ASAP1: variants seen among roughly 807,000 people sequenced by gnomAD.
ASAP1 encodes the protein ArfGAP with SH3 domain, ankyrin repeat and PH domain 1, also known as arf-GAP with SH3 domain, ANK repeat and PH domain-containing protein 1.
A neutral mutation model predicts 145.2 loss-of-function variants in ASAP1; 43 were observed. The observed-to-expected ratio is 0.30, with a 90% confidence interval of 0.23 to 0.38. The LOEUF is 0.38. ASAP1 is among the 10% of genes least tolerant of loss of function. ASAP1 has a pLI of 1.00. For synonymous variants in ASAP1, 546 were observed against 515.5 expected, an observed-to-expected ratio of 1.06 and a Z score of -0.80; for missense variants, 1,018 against 1,355.3, an observed-to-expected ratio of 0.75 and a Z score of 3.91.
intron 18 of ASAP1, among the ~76,000 whole-genome samples, chr8:130,122,498 T>C (rs1011347596): frequency 1.3e-5 from 2 of 152,212 alleles, no homozygotes; most frequent in South Asian, 2.1e-4. Context: ...TAATAACAGA[T>C]ACTTATACAG....
At chr8:130,356,519 T>C (rs1329115275) in intron 3 of ASAP1, among the ~76,000 whole-genome samples, 1 of 152,038 alleles carries the variant, frequency 6.6e-6, no homozygotes, top group African/African-American at 2.4e-5. Context: ...TATAACAGAC[T>C]GGCAGTTCAC....
chr8:130,133,370 C>A (rs528253275), intron 15 of ASAP1, among the ~76,000 whole-genome samples: 58 of 152,156 alleles, frequency 3.8e-4, no homozygotes, highest in Non-Finnish European at 1.0e-4. Context: ...AAACTCCAAC[C>A]CAGGGGCCGG....
At chr8:130,121,398 T>C (rs2097565577) in intron 18 of ASAP1, among the ~76,000 whole-genome samples, 1 of 152,210 alleles carries the variant, frequency 6.6e-6, no homozygotes, top group Admixed American at 6.5e-5. Context: ...CAGTAGCACC[T>C]GTCCAAGTCA....
At chr8:130,337,790 C>T (rs1194845713) in intron 3 of ASAP1, among the ~76,000 whole-genome samples, 3 of 152,204 alleles carry the variant, frequency 2.0e-5, no homozygotes, top group African/African-American at 7.2e-5. Flanking sequence ...AAAACATTCT[C>T]TTAAGTCAGA....
intron 2 of ASAP1, among the ~76,000 whole-genome samples, chr8:130,380,556 G>A (rs190188359): frequency 2.6e-5 from 4 of 152,282 alleles, no homozygotes; most frequent in African/African-American, 9.6e-5. Context: ...CTGTCCTCAA[G>A]GAGGAGCACA....
chr8:130,429,802 G>T lies in ASAP1; in HGVS notation c.-28+13658C>A, dbSNP rs535353999. On this transcript the variant is annotated intron_variant, in intron 1 of 29. Coordinates refer to ENST00000518721, the MANE Select transcript of ASAP1 (RefSeq NM_018482.4). The stretch of plus-strand genomic sequence containing the variant: ...CACGTTCTGTCCATTAAGATTCTTT[G>T]GGAAAAATGAGTTTTGAAGAATAAC... 1.3e-3 allele frequency among the ~76,000 whole-genome samples: 198 copies of T among 152,244 alleles called. 1 individual carries two copies. Among genetic ancestry groups the T allele is most frequent in the Non-Finnish European group, 2.4e-3 (165 of 68,026 alleles).
At position 130,443,594 on chromosome 8, in the gene ASAP1, A is replaced by C. The variant is rs1489012659; in HGVS notation, c.-162T>G. 1 of 150,924 alleles carries C rather than the reference A, an allele frequency of 6.6e-6. No individual in the cohort carries two copies. Among genetic ancestry groups the C allele is most frequent in the African/African-American group, 2.4e-5 (1 of 41,256 alleles). 9.3% of individuals were successfully genotyped at this position (150,924 alleles called of 1,614,324 possible). A position where few individuals can be genotyped will look rare whatever the true frequency, so the allele number is the denominator to read the frequency against. On this transcript the variant is annotated 5_prime_UTR_variant, in exon 1 of 30. Coordinates refer to ENST00000518721, the MANE Select transcript of ASAP1 (RefSeq NM_018482.4). ...GCGCGGGCCCGGGGCTGCCCAGCGC[A>C]CAGTGCTCGCCCGCGGCAGCGGCCA... is the stretch of plus-strand genomic sequence containing the variant.
chr8:130,270,440 T>C (rs1482648368), intron 3 of ASAP1, among the ~76,000 whole-genome samples: 1 of 152,236 alleles, frequency 6.6e-6, no homozygotes, highest in Non-Finnish European at 1.5e-5. Context: ...ATCAGCTCTG[T>C]ATGTAAAAGT....
intron 3 of ASAP1, among the ~76,000 whole-genome samples, chr8:130,336,425 A>G (rs1434484723): frequency 6.6e-6 from 1 of 152,246 alleles, no homozygotes; most frequent in East Asian, 1.9e-4. Flanking sequence ...TCAGCACATA[A>G]TAAGCTCTCC....
chr8:130,245,578 C>T (rs940095538), intron 3 of ASAP1, among the ~76,000 whole-genome samples: 1 of 152,190 alleles, frequency 6.6e-6, no homozygotes, highest in Non-Finnish European at 1.5e-5. Flanking sequence ...CTATCAACTT[C>T]CCAAGCCAAA....
At chr8:130,121,606 A>T (rs2097566002) in intron 18 of ASAP1, among the ~76,000 whole-genome samples, 1 of 151,788 alleles carries the variant, frequency 6.6e-6, no homozygotes, top group African/African-American at 2.4e-5. Context: ...ACATGGAGAA[A>T]ACTCCTTCTC....
At chr8:130,058,276 C>T (rs1045515648) in intron 28 of ASAP1, among the ~76,000 whole-genome samples, 200 bp from the exon 29 acceptor site, 2 of 152,172 alleles carry the variant, frequency 1.3e-5, no homozygotes, top group Non-Finnish European at 2.9e-5. Flanking sequence ...CCCTTCCTCT[C>T]CCCCCATCAT....
At chr8:130,081,848 C>T (rs941564235) in intron 25 of ASAP1, among the ~76,000 whole-genome samples, 15 of 152,150 alleles carry the variant, frequency 9.9e-5, no homozygotes, top group Non-Finnish European at 2.9e-5. Flanking sequence ...CAGCAACGAC[C>T]GTTTACTGAG....
chr8:130,326,540 T>C (rs1824344408), intron 3 of ASAP1, among the ~76,000 whole-genome samples: 1 of 152,210 alleles, frequency 6.6e-6, no homozygotes, highest in African/African-American at 2.4e-5. Context: ...GAACTCCTGT[T>C]GCAACAACTT....
intron 29 of ASAP1, among the ~76,000 whole-genome samples, chr8:130,057,120 C>G (rs1358315525): frequency 6.6e-6 from 1 of 152,160 alleles, no homozygotes; most frequent in Non-Finnish European, 1.5e-5. Flanking sequence ...GCCTATTTGA[C>G]AAAGAAAGAA....
intron 1 of ASAP1, among the ~76,000 whole-genome samples, chr8:130,426,991 T>G (rs1829943847): frequency 6.6e-6 from 1 of 152,162 alleles, no homozygotes; most frequent in South Asian, 2.1e-4. Flanking sequence ...GCAATGTAAA[T>G]GCAAACAAAT....
intron 3 of ASAP1, among the ~76,000 whole-genome samples, chr8:130,275,596 C>T (rs187541964): frequency 2.2e-4 from 33 of 151,746 alleles, no homozygotes; most frequent in Admixed American, 2.0e-3. Flanking sequence ...TAAAGCAATT[C>T]GTTCAAATTT....
At chr8:130,297,837 C>A (rs956965771) in intron 3 of ASAP1, among the ~76,000 whole-genome samples, 1 of 152,218 alleles carries the variant, frequency 6.6e-6, no homozygotes, top group Admixed American at 6.5e-5. Context: ...ATTTATTTAA[C>A]TGCCACATTT....
chr8:130,180,718 T>C lies in ASAP1; in HGVS notation c.660+33A>G, dbSNP rs761497621. 1.9e-6 allele frequency: 3 copies of C among 1,596,370 alleles called. No homozygotes were observed. In the Admixed American group the frequency reaches 5.4e-5, roughly 29 times the overall value. On this transcript the variant is annotated intron_variant, in intron 8 of 29. Transcript: ENST00000518721. Reference sequence around the variant, plus strand: ...CAGGAAAAGATCACAGTTGTTATAATTCTAGGCAAATGGTGGAAAAGTCCA... The same window carrying C: ...CAGGAAAAGATCACAGTTGTTATAACTCTAGGCAAATGGTGGAAAAGTCCA...
Sources: allele counts gnomAD v4.1 joint callset (sites outside exome capture counted in the v4.1 genomes callset), GRCh38; gene constraint gnomAD v4.1.1; transcripts MANE v1.5; gene names NCBI Gene and HGNC (gene_info 2026-07-23, HGNC 2026-07-21).